Variants in ZFP62 observed in about 807,000 individuals in gnomAD.
The protein encoded by ZFP62 is ZFP62 zinc finger protein.
A neutral mutation model predicts 56.4 loss-of-function variants in ZFP62; 44 were observed. That is an observed-to-expected ratio of 0.78 (90% CI 0.61 to 1.00). The LOEUF (loss-of-function observed/expected upper bound fraction) is 1.00, where lower values mean the gene tolerates loss of function less well. Ranked by LOEUF, ZFP62 falls within the 50% of genes least tolerant of loss-of-function variation. The pLI, the probability that ZFP62 is intolerant of heterozygous loss-of-function variation, is 0.00. For synonymous variants in ZFP62, 421 were observed against 388.9 expected (o/e 1.08, Z -0.97); for missense variants, 1,030 against 1,085.7 (o/e 0.95, Z 0.72).
At chr5:180,843,475 G>C (rs1190189381), downstream of ZFP62, among the ~76,000 whole-genome samples, 1 of 151,952 alleles carries the variant, frequency 6.6e-6, no homozygotes, top group Non-Finnish European at 1.5e-5. Flanking sequence ...TAAAAATACA[G>C]AAAGCGTGAA....
intron 1 of ZFP62, chr5:180,851,996 G>A (rs1047428801): frequency 1.2e-5 from 12 of 986,492 alleles, no homozygotes; most frequent in South Asian, 4.7e-5. Flanking sequence ...ACCTGGGGAG[G>A]GGTATCAGGG....
downstream of ZFP62, chr5:180,845,789 T>C (rs1469456542): frequency 1.6e-5 from 16 of 985,294 alleles, no homozygotes; most frequent in Non-Finnish European, 1.8e-5. Flanking sequence ...CTGGTGGTGA[T>C]CCTCTCATTT....
intron 1 of ZFP62, among the ~76,000 whole-genome samples, chr5:180,858,198 A>T (rs1774093429): frequency 7.8e-6 from 1 of 128,234 alleles, no homozygotes; most frequent in South Asian, 2.8e-4. Flanking sequence ...TGGAGGTTGC[A>T]GTAAGCTGAG....
the ZFP62 span, among the ~76,000 whole-genome samples, chr5:180,833,672 AT>A: frequency 0.17 from 23,725 of 138,248 alleles, 2,736 homozygotes; most frequent in African/African-American, 0.35. Context: ...ATGACACGGT[AT>A]TTTTTTTTTT....
At chr5:180,854,021 A>G (rs1773846585) in intron 1 of ZFP62, among the ~76,000 whole-genome samples, 1 of 152,204 alleles carries the variant, frequency 6.6e-6, no homozygotes, top group African/African-American at 2.4e-5. Context: ...ATATATTTGC[A>G]TATATTTCCT....
the ZFP62 span, among the ~76,000 whole-genome samples, chr5:180,840,834 A>G: frequency 6.7e-6 from 1 of 149,728 alleles, no homozygotes; most frequent in African/African-American, 2.5e-5. Flanking sequence ...GGGGTTGGGG[A>G]GGAAGGTGTT....
In ZFP62 at chr5:180,850,161, C is replaced by A. The variant is rs1187452333; in HGVS notation, c.1334G>T (p.Gly445Val). 14 of 1,551,668 alleles carry A rather than the reference C, an allele frequency of 9.0e-6. No individual in the cohort carries two copies. The highest frequency in any genetic ancestry group is 1.2e-5 in the Non-Finnish European group (14 of 1,147,042). ...LLLQHRTIHTGERPYVCDVCG... is the reference protein window; with the variant it reads ...LLLQHRTIHTVERPYVCDVCG... Reference sequence around the variant, plus strand: ...CACATCACATACATAAGGTCTCTCTCCGGTATGAATAGTTCTGTGTTGAAG... The same window carrying A: ...CACATCACATACATAAGGTCTCTCTACGGTATGAATAGTTCTGTGTTGAAG... Residue 445 changes from glycine to valine, a missense_variant, in exon 2 of 2, where the codon GGA becomes GTA. By Grantham distance (109) the Gly-to-Val change is moderately radical (BLOSUM62 -3). Transcript: ENST00000502412.
the ZFP62 span, among the ~76,000 whole-genome samples, chr5:180,827,859 G>C: frequency 5.9e-5 from 9 of 152,218 alleles, no homozygotes; most frequent in African/African-American, 1.9e-4. Flanking sequence ...GCTGGAGGTG[G>C]GACATGCGGG....
rs1009159450 is a variant in ZFP62 at position 180,847,709 on chromosome 5, C to T, written c.*1083G>A. 96 of 985,308 alleles carry T rather than the reference C, an allele frequency of 9.7e-5. No individual in the cohort carries two copies. Among genetic ancestry groups the T allele is most frequent in the Non-Finnish European group, 1.1e-4 (93 of 829,934 alleles). The allele number at this position is 985,308 out of a possible 1,614,324, so 61.0% of individuals were successfully genotyped here. A position where few individuals can be genotyped will look rare whatever the true frequency, so the allele number is the denominator to read the frequency against. On this transcript the variant is annotated 3_prime_UTR_variant, in exon 2 of 2. Coordinates refer to ENST00000502412, the MANE Select transcript of ZFP62 (RefSeq NM_001172638.2). ...GAGAGTGAGCCCTGAACAAAGTATT[C>T]GTTAACATTTTACAACAGACAACAT...
In ZFP62 at chr5:180,848,695, T is replaced by C. The variant is rs1314958050; in HGVS notation, c.*97A>G. On this transcript the variant is annotated 3_prime_UTR_variant, in exon 2 of 2. Coordinates refer to ENST00000502412, the MANE Select transcript of ZFP62 (RefSeq NM_001172638.2). ...CATAATCCTCTAGGATGGTTTCATT[T>C]ACACTGTGTAAATTACAAGCCATGA... The C allele has an allele frequency of 2.1e-6, 3 of 1,440,366 alleles. No homozygotes were observed. In the Admixed American group the frequency reaches 8.6e-5, roughly 41 times the overall value. 89.2% of individuals were successfully genotyped at this position (1,440,366 alleles called of 1,614,324 possible).
Position 180,849,801 on chromosome 5 carries a change from T to G in ZFP62, c.1694A>C (p.Glu565Ala), listed in dbSNP as rs1773590310. ...HTGERPYKCE[E>A]CGKAYISLSS... ...GAGAGAGATGTATGCTTTCCCACAT[T>G]CTTCACATTTGTAAGGTCGTTCCCC... is the stretch of plus-strand genomic sequence containing the variant. Residue 565 changes from glutamate (E) to alanine (A), a missense_variant, in exon 2 of 2, where the codon GAA (glutamate) becomes GCA (alanine). Coordinates refer to ENST00000502412, the MANE Select transcript of ZFP62 (RefSeq NM_001172638.2). The G allele has an allele frequency of 6.4e-7, 1 of 1,551,880 alleles. No individual in the cohort carries two copies. Among genetic ancestry groups the G allele is most frequent in the Non-Finnish European group, 8.7e-7 (1 of 1,147,060 alleles).
chr5:180,861,162 A>G, intron 1 of ZFP62, 57 bp downstream of exon 1: 1 of 398,318 alleles, frequency 2.5e-6, no homozygotes, highest in Non-Finnish European at 4.4e-6. Flanking sequence ...CAAAAAGGGG[A>G]GGGCGTGGCA....
chr5:180,829,797 G>A, the ZFP62 span, among the ~76,000 whole-genome samples: 187 of 152,142 alleles, frequency 1.2e-3, 1 homozygote, highest in African/African-American at 4.2e-3. Flanking sequence ...TGAAAGCCCC[G>A]GCCATAGTCT....
At chr5:180,831,213 T>C in the ZFP62 span, 2 of 153,950 alleles carry the variant, frequency 1.3e-5, no homozygotes, top group Non-Finnish European at 2.9e-5. Flanking sequence ...TCGGGGACCT[T>C]TGCGGGGAGG....
the ZFP62 span, chr5:180,834,490 C>G: frequency 1.3e-5 from 2 of 152,276 alleles, no homozygotes; most frequent in Non-Finnish European, 2.9e-5. Flanking sequence ...AGCTTGCTCT[C>G]TGCCATGTGA....
At chr5:180,827,039 C>G in the ZFP62 span, among the ~76,000 whole-genome samples, 1 of 152,154 alleles carries the variant, frequency 6.6e-6, no homozygotes, top group South Asian at 2.1e-4. Flanking sequence ...TGGAGAAGCT[C>G]AAAATGTGTT....
At chr5:180,827,477 TTAA>T in the ZFP62 span, among the ~76,000 whole-genome samples, 1 of 151,638 alleles carries the variant, frequency 6.6e-6, no homozygotes, top group Non-Finnish European at 1.5e-5. Context: ...GTGTGCTTTG[TTAA>T]ACAGATGCTT....
intron 1 of ZFP62, chr5:180,860,829 A>C: frequency 3.9e-6 from 1 of 255,618 alleles, no homozygotes; most frequent in Non-Finnish European, 7.4e-6. Flanking sequence ...GGAGCACGAA[A>C]TGGTGGGTAT....
chr5:180,831,246 C>G, the ZFP62 span: 5,414 of 152,880 alleles, frequency 0.035, 91 homozygotes, highest in South Asian at 0.066. Context: ...GCCGCCCTTG[C>G]GATGGCGGGA....
Sources: allele counts gnomAD v4.1 joint callset (sites outside exome capture counted in the v4.1 genomes callset), GRCh38; gene constraint gnomAD v4.1.1; transcripts MANE v1.5; gene names NCBI Gene and HGNC (gene_info 2026-07-23, HGNC 2026-07-21).